The following KLF12 variants were observed in gnomAD, a reference collection of about 807,000 sequenced individuals.
The protein encoded by KLF12 is Krueppel-like factor 12.
KLF12 carries 9 observed loss-of-function variants against 37.8 expected under a neutral mutation model. The ratio of observed to expected loss-of-function variants is 0.24; its 90% CI spans 0.14 to 0.42. KLF12 has a LOEUF of 0.42. Ranked by LOEUF, KLF12 falls within the 10% of genes least tolerant of loss-of-function variation. KLF12 has a pLI of 1.00. For synonymous variants in KLF12, 208 were observed against 202.1 expected, an observed-to-expected ratio of 1.03 and a Z score of -0.25; for missense variants, 411 against 516.0, an observed-to-expected ratio of 0.80 and a Z score of 1.97.
chr13:73,824,925 C>CAG (rs1273230581), intron 4 of KLF12, among the ~76,000 whole-genome samples: 1 of 152,000 alleles, frequency 6.6e-6, no homozygotes, highest in African/African-American at 2.4e-5. Flanking sequence ...AAAAATTAGC[C>CAG]AGGCGTGGTG....
chr13:74,041,823 C>A (rs914802065), intron 1 of KLF12, among the ~76,000 whole-genome samples: 1 of 151,912 alleles, frequency 6.6e-6, no homozygotes, highest in Non-Finnish European at 1.5e-5. Context: ...TCTAATATTT[C>A]CTCTACTACA....
intron 4 of KLF12, among the ~76,000 whole-genome samples, chr13:73,834,672 C>T (rs372487674): frequency 2.0e-5 from 3 of 152,028 alleles, no homozygotes; most frequent in Non-Finnish European, 2.9e-5. Flanking sequence ...CCACCATGCC[C>T]GGCTAATTTT....
At chr13:73,894,182 G>C (rs1441228118) in intron 3 of KLF12, among the ~76,000 whole-genome samples, 1 of 152,180 alleles carries the variant, frequency 6.6e-6, no homozygotes, top group Non-Finnish European at 1.5e-5. Flanking sequence ...AGTTTGCAGA[G>C]GGGCAGGAAA....
At chr13:73,885,568 A>G (rs1409631189) in intron 3 of KLF12, among the ~76,000 whole-genome samples, 4 of 152,234 alleles carry the variant, frequency 2.6e-5, no homozygotes, top group Non-Finnish European at 4.4e-5. Flanking sequence ...ACAGGTGGTC[A>G]CACAAAAGTT....
chr13:73,910,176 T>C (rs1295154132), intron 3 of KLF12, among the ~76,000 whole-genome samples: 1 of 152,172 alleles, frequency 6.6e-6, no homozygotes, highest in East Asian at 1.9e-4. Context: ...TTTTCAGAAA[T>C]ATTCATATTT....
At chr13:73,751,811 C>A (rs542922374) in intron 6 of KLF12, among the ~76,000 whole-genome samples, 71 of 152,202 alleles carry the variant, frequency 4.7e-4, no homozygotes, top group South Asian at 4.1e-3. Flanking sequence ...TCTCACAGAG[C>A]AGTCCGGGGC....
chr13:73,779,197 T>C (rs1330732459), intron 5 of KLF12, among the ~76,000 whole-genome samples: 1 of 152,178 alleles, frequency 6.6e-6, no homozygotes, highest in African/African-American at 2.4e-5. Flanking sequence ...TAAACCTCCT[T>C]TGACCATGCC....
intron 3 of KLF12, among the ~76,000 whole-genome samples, chr13:73,847,755 C>G (rs1266601147): frequency 6.6e-6 from 1 of 151,936 alleles, no homozygotes; most frequent in Non-Finnish European, 1.5e-5. Context: ...TTCTAAATGA[C>G]AAGATTTTCA....
chr13:74,030,269 T>G (rs970749786), intron 1 of KLF12, among the ~76,000 whole-genome samples: 1 of 151,926 alleles, frequency 6.6e-6, no homozygotes, highest in African/African-American at 2.4e-5. Flanking sequence ...CCATTGACAA[T>G]AGAGAGACTA....
chr13:74,298,969 A>G, the KLF12 span, among the ~76,000 whole-genome samples: 2 of 152,178 alleles, frequency 1.3e-5, no homozygotes, highest in Admixed American at 6.6e-5. Flanking sequence ...GAGCAACCTC[A>G]AAGAACGGAA....
chr13:73,992,740 C>T (rs965697740), intron 2 of KLF12, among the ~76,000 whole-genome samples: 4 of 152,112 alleles, frequency 2.6e-5, no homozygotes, highest in African/African-American at 9.7e-5. Flanking sequence ...TTAAAAACTT[C>T]GTCTTAATAT....
chr13:73,843,311 T>TC (rs1401274285), intron 4 of KLF12, among the ~76,000 whole-genome samples: 1 of 147,118 alleles, frequency 6.8e-6, no homozygotes, highest in East Asian at 2.0e-4. Flanking sequence ...ATTATGTTCT[T>TC]TTTTTTTTTT....
At chr13:73,761,350 A>G (rs1879535297) in intron 6 of KLF12, among the ~76,000 whole-genome samples, 1 of 152,140 alleles carries the variant, frequency 6.6e-6, no homozygotes, top group African/African-American at 2.4e-5. Flanking sequence ...AGGCAATGAA[A>G]AAGGAGGAGA....
At chr13:74,185,713 C>T in the KLF12 span, among the ~76,000 whole-genome samples, 1 of 151,390 alleles carries the variant, frequency 6.6e-6, no homozygotes, top group African/African-American at 2.4e-5. Flanking sequence ...ATGGTGTGAT[C>T]TCGGCTCACT....
At chr13:74,162,963 T>C in the KLF12 span, among the ~76,000 whole-genome samples, 203 of 152,214 alleles carry the variant, frequency 1.3e-3, no homozygotes, top group South Asian at 5.0e-3. Context: ...AGTGAGTTTA[T>C]GTTAAGAAGA....
chr13:73,868,331 G>T lies in KLF12; in HGVS notation c.124-21958C>A, dbSNP rs796682982. Among the ~76,000 whole-genome samples, 323 of 133,198 alleles carry T rather than the reference G, an allele frequency of 2.4e-3. 11 individuals carry two copies. Among genetic ancestry groups the T allele is most frequent in the Middle Eastern group, 7.6e-3 (2 of 264 alleles). The allele number at this position is 133,198 out of a possible 152,430, so 87.4% of individuals were successfully genotyped here. ...AAAGAAAAAAGGCGGGGGCGGTGGG[G>T]GGGGGGGGTGATTTCAGTACAAAGC... On this transcript the variant is annotated intron_variant, in intron 3 of 7. Transcript: ENST00000377669.
chr13:73,982,311 T>C (rs2138186702), intron 2 of KLF12, among the ~76,000 whole-genome samples: 1 of 152,202 alleles, frequency 6.6e-6, no homozygotes, highest in African/African-American at 2.4e-5. Context: ...CTCAACAAAC[T>C]AAAAGAAATG....
At chr13:74,252,766 C>T in the KLF12 span, among the ~76,000 whole-genome samples, 1 of 152,138 alleles carries the variant, frequency 6.6e-6, no homozygotes, top group Non-Finnish European at 1.5e-5. Context: ...CCTTCCCATC[C>T]TCCCTTCTCT....
At chr13:73,981,197 A>C (rs1026399602) in intron 2 of KLF12, among the ~76,000 whole-genome samples, 1 of 152,124 alleles carries the variant, frequency 6.6e-6, no homozygotes, top group African/African-American at 2.4e-5. Flanking sequence ...TTGCAACTAC[A>C]TGGGAAAACA....
Sources: gnomAD v4.1 joint callset for allele counts (sites outside exome capture counted in the v4.1 genomes callset) on GRCh38, gnomAD v4.1.1 for gene constraint, MANE v1.5 for transcripts, NCBI Gene and HGNC (gene_info 2026-07-23, HGNC 2026-07-21) for gene names.